NEGR1: variants seen among roughly 807,000 people sequenced by gnomAD.
NEGR1 encodes IgLON family member 4.
In NEGR1, 10 loss-of-function variants were observed where a neutral mutation model predicts 40.9. The ratio of observed to expected loss-of-function variants is 0.24; its 90% CI spans 0.15 to 0.42. NEGR1 has a LOEUF of 0.42. Among genes scored for constraint, NEGR1 ranks in the 10% least tolerant of loss-of-function variants. NEGR1 has a pLI of 1.00. For missense variants in NEGR1, 352 were observed against 438.9 expected, an observed-to-expected ratio of 0.80 and a Z score of 1.77; for synonymous variants, 185 against 166.8, an observed-to-expected ratio of 1.11 and a Z score of -0.84.
At chr1:71,500,307 A>T (rs1646990862) in intron 6 of NEGR1, among the ~76,000 whole-genome samples, 1 of 152,010 alleles carries the variant, frequency 6.6e-6, no homozygotes, top group South Asian at 2.1e-4. Context: ...CAAATTAATG[A>T]CCTATAGAAT....
intron 1 of NEGR1, among the ~76,000 whole-genome samples, chr1:72,098,685 T>G (rs2100238878): frequency 6.6e-6 from 1 of 152,256 alleles, no homozygotes; most frequent in East Asian, 1.9e-4. Context: ...ATCTCTGAAC[T>G]TAGTGTTTTT....
chr1:72,269,976 C>T (rs980936213), intron 1 of NEGR1, among the ~76,000 whole-genome samples: 18 of 151,612 alleles, frequency 1.2e-4, no homozygotes, highest in African/African-American at 3.9e-4. Flanking sequence ...GCAGTTGGTG[C>T]CGAGTAAATG....
At chr1:71,600,569 A>C (rs1380307889) in intron 5 of NEGR1, among the ~76,000 whole-genome samples, 7 of 152,178 alleles carry the variant, frequency 4.6e-5, no homozygotes, top group African/African-American at 1.7e-4. Flanking sequence ...GGGGCTTACA[A>C]ACAAAGGAGC....
At chr1:72,042,598 A>T (rs1273232148) in intron 1 of NEGR1, among the ~76,000 whole-genome samples, 2 of 151,974 alleles carry the variant, frequency 1.3e-5, no homozygotes, top group Non-Finnish European at 2.9e-5. Context: ...CTTCCCCATC[A>T]ACTCTGGAAA....
chr1:72,250,959 T>C lies in NEGR1; in HGVS notation c.176+31360A>G, dbSNP rs146917113. 1.1e-4 allele frequency among the ~76,000 whole-genome samples: 16 copies of C among 152,342 alleles called. No individual in the cohort carries two copies. In the East Asian group the frequency reaches 2.9e-3, roughly 28 times the overall value. On this transcript the variant is annotated intron_variant, in intron 1 of 6. Transcript: ENST00000357731. ...CTATGTACTACTGCCCAGCATGCTA[T>C]CCATAACTCTCCAGATAAACTGAAG...
chr1:71,871,349 G>C (rs1282371963), intron 2 of NEGR1, among the ~76,000 whole-genome samples: 1 of 152,136 alleles, frequency 6.6e-6, no homozygotes, highest in Non-Finnish European at 1.5e-5. Context: ...CGATAGAATA[G>C]CATTTCTAGT....
chr1:71,444,913 A>G (rs958990857), intron 6 of NEGR1, among the ~76,000 whole-genome samples: 9 of 152,162 alleles, frequency 5.9e-5, no homozygotes, highest in Non-Finnish European at 1.2e-4. Context: ...TTGAGCAACT[A>G]CTATGTGCCA....
chr1:71,714,657 C>G (rs561832783), intron 3 of NEGR1, among the ~76,000 whole-genome samples: 1 of 152,160 alleles, frequency 6.6e-6, no homozygotes, highest in African/African-American at 2.4e-5. Flanking sequence ...ATAGGGCAGT[C>G]ATTAAACCTT....
At chr1:71,748,075 T>C (rs1035017270) in intron 3 of NEGR1, among the ~76,000 whole-genome samples, 2 of 152,194 alleles carry the variant, frequency 1.3e-5, no homozygotes, top group Non-Finnish European at 2.9e-5. Context: ...TGAACAAGTG[T>C]AACTTTCCTC....
chr1:72,041,954 T>G (rs1646959570), intron 1 of NEGR1, among the ~76,000 whole-genome samples: 1 of 136,302 alleles, frequency 7.3e-6, no homozygotes, highest in Non-Finnish European at 1.6e-5. Flanking sequence ...GAGTCTCAAA[T>G]ATATATTATA....
At chr1:71,882,957 G>T (rs1660622155) in intron 2 of NEGR1, among the ~76,000 whole-genome samples, 1 of 152,076 alleles carries the variant, frequency 6.6e-6, no homozygotes, top group African/African-American at 2.4e-5. Flanking sequence ...CTGGCATGGG[G>T]TAGGTATTTA....
chr1:71,820,657 A>T (rs748435085), intron 2 of NEGR1, among the ~76,000 whole-genome samples: 1 of 151,940 alleles, frequency 6.6e-6, no homozygotes, highest in Non-Finnish European at 1.5e-5. Flanking sequence ...TCAAATGTAC[A>T]ATCAAGAATG....
intron 1 of NEGR1, among the ~76,000 whole-genome samples, chr1:72,183,161 C>T (rs146445367): frequency 2.6e-3 from 396 of 152,116 alleles, no homozygotes; most frequent in African/African-American, 8.7e-3. Context: ...GAAAAGTGGA[C>T]CACTGAAACC....
Position 71,843,433 on chromosome 1 carries a change from G to A in NEGR1, c.410-67136C>T, listed in dbSNP as rs552224355. On this transcript the variant is annotated intron_variant, in intron 2 of 6. Transcript: ENST00000357731. The stretch of plus-strand genomic sequence containing the variant: ...AGAAGTCGAGGCTATTGACTCCTGT[G>A]CACTGAAATGGTATCAAACCAGGTG... Among the ~76,000 whole-genome samples the A allele has an allele frequency of 5.1e-4, 78 of 152,232 alleles. No homozygotes were observed. The South Asian group carries it at 1.0e-2, about 19-fold the overall frequency.
intron 6 of NEGR1, among the ~76,000 whole-genome samples, chr1:71,512,267 AC>A: frequency 6.6e-6 from 1 of 152,206 alleles, no homozygotes; most frequent in African/African-American, 2.4e-5. Context: ...GTTCACCCCT[AC>A]AGTTTACTTA....
intron 3 of NEGR1, among the ~76,000 whole-genome samples, chr1:71,731,965 A>C (rs1226443538): frequency 6.6e-6 from 1 of 152,076 alleles, no homozygotes; most frequent in Non-Finnish European, 1.5e-5. Flanking sequence ...ATACTAATTG[A>C]CTCAAATTGA....
intron 3 of NEGR1, among the ~76,000 whole-genome samples, chr1:71,760,775 G>A (rs1003041910): frequency 5.3e-5 from 8 of 152,080 alleles, no homozygotes; most frequent in Non-Finnish European, 8.8e-5. Flanking sequence ...AAGAATTACA[G>A]TGTTTGGGTG....
At chr1:71,571,285 G>A (rs1250636679) in intron 6 of NEGR1, among the ~76,000 whole-genome samples, 2 of 152,158 alleles carry the variant, frequency 1.3e-5, no homozygotes, top group South Asian at 2.1e-4. Context: ...TTCAGGAAAG[G>A]CACCATCACA....
intron 1 of NEGR1, among the ~76,000 whole-genome samples, chr1:72,171,908 G>A (rs915844383): frequency 6.6e-6 from 1 of 152,062 alleles, no homozygotes; most frequent in African/African-American, 2.4e-5. Context: ...TTAAACAGTT[G>A]TTATGTTTGG....
Sources: gnomAD v4.1 joint callset for allele counts (sites outside exome capture counted in the v4.1 genomes callset) on GRCh38, gnomAD v4.1.1 for gene constraint, MANE v1.5 for transcripts, NCBI Gene and HGNC (gene_info 2026-07-23, HGNC 2026-07-21) for gene names.